GEMIN7: variants seen among roughly 807,000 people sequenced by gnomAD.
GEMIN7 encodes the protein gem-associated protein 7.
A neutral mutation model predicts 7.8 loss-of-function variants in GEMIN7; 7 were observed. The observed-to-expected ratio is 0.90, with a 90% CI of 0.51 to 1.69. The LOEUF (loss-of-function observed/expected upper bound fraction) is 1.69. GEMIN7 is among the 40% of genes most tolerant of loss of function. The probability of loss-of-function intolerance (pLI) is 0.00; values close to 1 mark genes in which losing one functional copy is unlikely to be tolerated. For missense variants in GEMIN7, 159 were observed against 176.2 expected, an observed-to-expected ratio of 0.90 and a Z score of 0.55; for synonymous variants, 68 against 72.4, an observed-to-expected ratio of 0.94 and a Z score of 0.31.
upstream of GEMIN7, chr19:45,075,877 C>A (rs756760568): frequency 1.9e-5 from 31 of 1,609,750 alleles, 1 homozygote; most frequent in South Asian, 3.3e-4. Context: ...AGGGAGGAAG[C>A]GGGTGGTGAG....
chr19:45,087,559 G>A (rs1043654532), intron 2 of GEMIN7, among the ~76,000 whole-genome samples: 1 of 152,176 alleles, frequency 6.6e-6, no homozygotes, highest in African/African-American at 2.4e-5. Flanking sequence ...GATACAGGCA[G>A]ATACAGGGAA....
intron 2 of GEMIN7, among the ~76,000 whole-genome samples, chr19:45,086,930 C>A (rs1490357241): frequency 6.6e-6 from 1 of 150,396 alleles, no homozygotes; most frequent in African/African-American, 2.4e-5. Flanking sequence ...TACTGCAACC[C>A]CTGCCTCCCT....
Position 45,090,843 on chromosome 19 carries a change from G to A in GEMIN7, c.*333G>A. 4.2e-6 allele frequency: 1 copy of A among 237,890 alleles called. No individual in the cohort carries two copies. The highest frequency in any genetic ancestry group is 2.3e-5 in the African/African-American group (1 of 44,400). 14.7% of individuals were successfully genotyped at this position (237,890 alleles called of 1,614,324 possible). On this transcript the variant is annotated 3_prime_UTR_variant, in exon 3 of 3. Coordinates refer to ENST00000270257, the MANE Select transcript of GEMIN7 (RefSeq NM_024707.3). The stretch of plus-strand genomic sequence containing the variant: ...CTGCACAGGGGGAAGTTATTAAAGA[G>A]GCTGCAAAGTCCAGCCACCCTGAAG...
chr19:45,088,936 C>CT (rs368470130), intron 2 of GEMIN7, among the ~76,000 whole-genome samples: 81,864 of 143,076 alleles, frequency 0.57, 24,149 homozygotes, highest in African/African-American at 0.73. Context: ...CCCATCCATG[C>CT]TTTTTTTTTT....
intron 2 of GEMIN7, among the ~76,000 whole-genome samples, chr19:45,089,067 G>A (rs966388367): frequency 2.0e-5 from 3 of 151,360 alleles, no homozygotes; most frequent in South Asian, 2.1e-4. Context: ...TTAACCTCCC[G>A]AGTAGCTGGG....
chr19:45,083,418 G>C (rs1465948235), intron 2 of GEMIN7, among the ~76,000 whole-genome samples: 1 of 151,828 alleles, frequency 6.6e-6, no homozygotes, highest in African/African-American at 2.4e-5. Context: ...CTGCACTCCA[G>C]CCTGGGGGAT....
rs140936548 is a variant in GEMIN7 at position 45,090,182 on chromosome 19, G to A, written c.68G>A (p.Arg23His). The change falls in exon 3 of 3, where the codon CGT becomes CAT. Residue 23 changes from arginine (R) to histidine (H), a missense_variant. Arg to His is a conservative substitution (Grantham distance 29). Transcript: ENST00000270257. ...CCCCGGGGCCCTGATGGCTTCAGCC[G>A]TGGCTTTGCCCCTGATGGACGCAGA... is the stretch of plus-strand genomic sequence containing the variant. Reference protein sequence around the residue: ...RLPRGPDGFSRGFAPDGRRAP... With the variant: ...RLPRGPDGFSHGFAPDGRRAP... The A allele has an allele frequency of 2.5e-6, 4 of 1,614,048 alleles. No individual in the cohort carries two copies. The highest frequency in any genetic ancestry group is 2.7e-5 in the African/African-American group (2 of 74,952).
intron 2 of GEMIN7, 147 bp downstream of exon 2, chr19:45,080,176 G>A (rs1967451415): frequency 2.0e-5 from 3 of 152,088 alleles, no homozygotes; most frequent in Admixed American, 2.0e-4. Flanking sequence ...AAGGATAAAG[G>A]CCTCTGGGGC....
upstream of GEMIN7, among the ~76,000 whole-genome samples, chr19:45,077,646 G>A (rs1009245304): frequency 1.3e-5 from 2 of 152,072 alleles, no homozygotes; most frequent in Non-Finnish European, 2.9e-5. Context: ...TTCAGGTCTG[G>A]GTTCCATTGT....
upstream of GEMIN7, chr19:45,076,801 T>G (rs1456485112): frequency 6.1e-6 from 1 of 163,738 alleles, no homozygotes; most frequent in African/African-American, 2.4e-5. This position sits in a 1 kb window ranked among gnomAD's most constrained non-coding sequence, Gnocchi z 4.9. Context: ...GCTATTTCAT[T>G]AAATGCATTA....
chr19:45,090,348 G>T lies in GEMIN7; in HGVS notation c.234G>T (p.Val78=). ...RSLLAMVGHQ[V]SFTLHEGVRV... is the part of the protein sequence containing the mutation. Reference sequence around the variant, plus strand: ...TGCTGGCCATGGTGGGTCATCAGGTGAGCTTCACGTTGCACGAGGGTGTGC... The same window carrying T: ...TGCTGGCCATGGTGGGTCATCAGGTTAGCTTCACGTTGCACGAGGGTGTGC... The change falls in exon 3 of 3, where the codon GTG becomes GTT. Residue 78 remains valine (V), a synonymous_variant. Coordinates refer to ENST00000270257, the MANE Select transcript of GEMIN7 (RefSeq NM_024707.3). 1 of 1,614,210 alleles carries T rather than the reference G, an allele frequency of 6.2e-7. No homozygotes were observed. Among genetic ancestry groups the T allele is most frequent in the Non-Finnish European group, 8.5e-7 (1 of 1,180,056 alleles).
upstream of GEMIN7, among the ~76,000 whole-genome samples, chr19:45,078,686 G>C (rs1487075029): frequency 1.3e-5 from 2 of 152,170 alleles, no homozygotes; most frequent in Non-Finnish European, 2.9e-5. Context: ...AGGCCCACAG[G>C]ATCCCTGCGT....
At chr19:45,076,754 G>A (rs183295016), upstream of GEMIN7, 86 of 194,292 alleles carry the variant, frequency 4.4e-4, 1 homozygote, top group East Asian at 0.011. This position sits in a 1 kb window ranked among gnomAD's most constrained non-coding sequence, Gnocchi z 4.9. Context: ...AAAAATAGTC[G>A]GTCACGTTTC....
At chr19:45,085,777 T>C (rs1387807713) in intron 2 of GEMIN7, 2 of 151,236 alleles carry the variant, frequency 1.3e-5, no homozygotes, top group African/African-American at 2.4e-5. Flanking sequence ...TGAAACCCCG[T>C]CTCTACTAAA....
chr19:45,087,687 G>A (rs1967743353), intron 2 of GEMIN7, among the ~76,000 whole-genome samples: 1 of 152,134 alleles, frequency 6.6e-6, no homozygotes, highest in Non-Finnish European at 1.5e-5. Flanking sequence ...GTGCCGGCAG[G>A]ATCCAGAGCT....
intron 2 of GEMIN7, among the ~76,000 whole-genome samples, chr19:45,084,146 C>T (rs926040764): frequency 6.4e-5 from 9 of 139,940 alleles, no homozygotes; most frequent in Admixed American, 1.6e-4. Flanking sequence ...GGGAGGCGGA[C>T]GTTGTAGTGA....
chr19:45,081,537 A>C (rs888021634), intron 2 of GEMIN7, among the ~76,000 whole-genome samples: 5 of 151,642 alleles, frequency 3.3e-5, no homozygotes, highest in African/African-American at 1.2e-4. Flanking sequence ...AAAAAAAAAA[A>C]ACCTTGGAGT....
chr19:45,087,938 T>C (rs939194417), intron 2 of GEMIN7, among the ~76,000 whole-genome samples: 14 of 135,750 alleles, frequency 1.0e-4, no homozygotes, highest in African/African-American at 3.4e-4. Context: ...TATATAGATA[T>C]ATAATTTTTT....
rs1967871145 is a variant in GEMIN7 at position 45,090,777 on chromosome 19, T to C, written c.*267T>C. On this transcript the variant is annotated 3_prime_UTR_variant, in exon 3 of 3. Transcript: ENST00000270257. ...GAAATATGGGCCTGCTGCCATTTCC[T>C]GAAGACCGGGGCATCGGGGTGGGGT... is the stretch of plus-strand genomic sequence containing the variant. 4.6e-6 allele frequency: 2 copies of C among 437,074 alleles called. No individual in the cohort carries two copies. The highest frequency in any genetic ancestry group is 8.6e-6 in the Non-Finnish European group (2 of 232,818). The allele number at this position is 437,074 out of a possible 1,614,324, so 27.1% of individuals were successfully genotyped here.
Sources: gnomAD v4.1 joint callset for allele counts (sites outside exome capture counted in the v4.1 genomes callset) on GRCh38, gnomAD v4.1.1 for gene constraint, Gnocchi (gnomAD v3.1) non-coding constraint, MANE v1.5 for transcripts, NCBI Gene and HGNC (gene_info 2026-07-23, HGNC 2026-07-21) for gene names.